Variants in CNTLN observed in about 807,000 individuals in gnomAD.
CNTLN encodes centlein, centrosomal protein.
In CNTLN, 212 loss-of-function variants were observed where a neutral mutation model predicts 180.0. The ratio of observed to expected loss-of-function variants is 1.18; its 90% confidence interval spans 1.05 to 1.32. The LOEUF (loss-of-function observed/expected upper bound fraction) is 1.32. Among genes scored for constraint, CNTLN ranks in the 40% most tolerant of loss-of-function variants. The pLI is 0.00. For missense variants in CNTLN, 2,095 were observed against 1,610.9 expected, an observed-to-expected ratio of 1.30 and a Z score of -5.14; for synonymous variants, 722 against 563.1, an observed-to-expected ratio of 1.28 and a Z score of -3.99.
chr9:17,257,732 G>C (rs1239666731), intron 5 of CNTLN, among the ~76,000 whole-genome samples: 1 of 151,170 alleles, frequency 6.6e-6, no homozygotes, highest in Non-Finnish European at 1.5e-5. Context: ...GGCCAGTGAT[G>C]ATGAGCATTT....
At chr9:17,144,999 G>A (rs1435617841) in intron 2 of CNTLN, among the ~76,000 whole-genome samples, 2 of 150,500 alleles carry the variant, frequency 1.3e-5, no homozygotes, top group East Asian at 3.9e-4. Context: ...CCGCCACCGC[G>A]CCCGGCTAAT....
chr9:17,339,578 T>A (rs1375509047), intron 10 of CNTLN, among the ~76,000 whole-genome samples: 1 of 152,242 alleles, frequency 6.6e-6, no homozygotes, highest in East Asian at 1.9e-4. Context: ...TCTTTCTGAT[T>A]ACCATATGCC....
intron 23 of CNTLN, among the ~76,000 whole-genome samples, 155 bp from the exon 24 acceptor site, chr9:17,484,140 A>G (rs1832780887): frequency 6.6e-6 from 1 of 152,190 alleles, no homozygotes; most frequent in Non-Finnish European, 1.5e-5. Flanking sequence ...TGCTGACAAT[A>G]GGTAAAGAGC....
At chr9:17,281,938 C>G (rs992443812) in intron 6 of CNTLN, among the ~76,000 whole-genome samples, 3 of 151,430 alleles carry the variant, frequency 2.0e-5, no homozygotes, top group Non-Finnish European at 4.4e-5. Flanking sequence ...TCTCCACAGC[C>G]TCGCCAGAAT....
chr9:17,429,307 C>G (rs925146896), intron 18 of CNTLN, among the ~76,000 whole-genome samples: 1 of 151,938 alleles, frequency 6.6e-6, no homozygotes, highest in Non-Finnish European at 1.5e-5. Context: ...AACAGAAGTT[C>G]CCCGTGATAG....
At chr9:17,492,509 T>C (rs10441680) in intron 25 of CNTLN, among the ~76,000 whole-genome samples, 68,559 of 152,006 alleles carry the variant, frequency 0.45, 18,408 homozygotes, top group Middle Eastern at 0.6. Flanking sequence ...GCTGATAGTA[T>C]GTAAAAGTGC....
At chr9:17,362,802 A>G (rs989629290) in intron 12 of CNTLN, among the ~76,000 whole-genome samples, 4 of 152,016 alleles carry the variant, frequency 2.6e-5, no homozygotes, top group Non-Finnish European at 5.9e-5. Context: ...GGTTTATTAC[A>G]TAGGTATACA....
intron 23 of CNTLN, among the ~76,000 whole-genome samples, chr9:17,483,685 A>AT (rs1832759785): frequency 6.6e-6 from 1 of 152,190 alleles, no homozygotes; most frequent in Non-Finnish European, 1.5e-5. Flanking sequence ...CAAAGAGGCA[A>AT]CTTAAAGGCT....
intron 2 of CNTLN, among the ~76,000 whole-genome samples, chr9:17,151,319 C>A (rs1023524068): frequency 6.6e-6 from 1 of 152,018 alleles, no homozygotes; most frequent in South Asian, 2.1e-4. Flanking sequence ...GAAATATGTC[C>A]CATTGATACC....
At chr9:17,325,566 C>CAA (rs1043765694) in intron 8 of CNTLN, among the ~76,000 whole-genome samples, 1 of 140,528 alleles carries the variant, frequency 7.1e-6, no homozygotes, top group Non-Finnish European at 1.6e-5. Context: ...TACACACACA[C>CAA]ACACACACAC....
intron 2 of CNTLN, among the ~76,000 whole-genome samples, chr9:17,152,027 G>A (rs200532429): frequency 6.6e-6 from 1 of 151,852 alleles, no homozygotes; most frequent in Admixed American, 6.6e-5. Context: ...CATTTTTTAT[G>A]GCATCTATTT....
At chr9:17,242,807 C>G (rs978575979) in intron 5 of CNTLN, among the ~76,000 whole-genome samples, 4 of 152,084 alleles carry the variant, frequency 2.6e-5, no homozygotes, top group African/African-American at 9.7e-5. Flanking sequence ...CCTGTAGTTT[C>G]CTTTTTTTGA....
At position 17,409,277 on chromosome 9, in the gene CNTLN, A is replaced by T; in HGVS notation, c.2616-16A>T. ...TTTTATTCTTGGATTTTATGTCCCT[A>T]CTTTTTTCTAAAAAGCAGTGATTCT... On this transcript the variant is annotated splice_polypyrimidine_tract_variant and intron_variant, in intron 15 of 25. Coordinates refer to ENST00000380647, the MANE Select transcript of CNTLN (RefSeq NM_017738.4). The T allele has an allele frequency of 6.2e-7, 1 of 1,601,770 alleles. No homozygotes were observed. Among genetic ancestry groups the T allele is most frequent in the Non-Finnish European group, 8.5e-7 (1 of 1,176,560 alleles).
At chr9:17,435,304 A>G (rs1718640963) in intron 18 of CNTLN, among the ~76,000 whole-genome samples, 1 of 152,152 alleles carries the variant, frequency 6.6e-6, no homozygotes, top group South Asian at 2.1e-4. Context: ...TATAGTTTCT[A>G]CAAAGCCCTT....
rs139109170 is a variant in CNTLN, at chr9:17,402,887, A to G, written c.2616-6406A>G. Among the ~76,000 whole-genome samples, 28 of 151,842 alleles carry G rather than the reference A, an allele frequency of 1.8e-4. 1 individual carries two copies. Among genetic ancestry groups the G allele is most frequent in the African/African-American group, 5.8e-4 (24 of 41,226 alleles). ...CTTCCTAGCCTTCACAATCACATGA[A>G]CCAATTCCTAAAGATATATACGTGC... On this transcript the variant is annotated intron_variant, in intron 15 of 25. Coordinates refer to ENST00000380647, the MANE Select transcript of CNTLN (RefSeq NM_017738.4).
At chr9:17,206,367 G>T (rs1002588577) in intron 2 of CNTLN, among the ~76,000 whole-genome samples, 1 of 152,132 alleles carries the variant, frequency 6.6e-6, no homozygotes, top group African/African-American at 2.4e-5. Flanking sequence ...GTTATCAGAT[G>T]AATTTGCTCA....
chr9:17,157,742 T>TATA (rs1290170630), intron 2 of CNTLN, among the ~76,000 whole-genome samples: 1 of 152,214 alleles, frequency 6.6e-6, no homozygotes, highest in Non-Finnish European at 1.5e-5. Flanking sequence ...ATGCCAGACA[T>TATA]GTATGTCATA....
intron 18 of CNTLN, among the ~76,000 whole-genome samples, chr9:17,420,130 G>T (rs1160033950): frequency 2.0e-5 from 3 of 152,140 alleles, no homozygotes; most frequent in Non-Finnish European, 4.4e-5. Context: ...GGCTAGGGTG[G>T]TCTTGAACTC....
intron 2 of CNTLN, among the ~76,000 whole-genome samples, chr9:17,199,219 T>C (rs919989771): frequency 6.9e-6 from 1 of 144,264 alleles, no homozygotes; most frequent in Non-Finnish European, 1.5e-5. Context: ...TTTTTTTTTT[T>C]TTTTTTTTTT....
Sources: gnomAD v4.1 joint callset for allele counts (sites outside exome capture counted in the v4.1 genomes callset) on GRCh38, gnomAD v4.1.1 for gene constraint, MANE v1.5 for transcripts, NCBI Gene and HGNC (gene_info 2026-07-23, HGNC 2026-07-21) for gene names.